DDAH1: variants seen among roughly 807,000 people sequenced by gnomAD.
DDAH1 encodes the protein dimethylarginine dimethylaminohydrolase 1.
A neutral mutation model predicts 28.8 loss-of-function variants in DDAH1; 19 were observed. That is an observed-to-expected ratio of 0.66 (90% CI 0.46 to 0.97). DDAH1 has a LOEUF of 0.97. Ranked by LOEUF, DDAH1 falls within the 50% of genes least tolerant of loss-of-function variation. The pLI is 0.00. For missense variants in DDAH1, 326 were observed against 375.9 expected (o/e 0.87, Z 1.10); for synonymous variants, 153 against 154.4 (o/e 0.99, Z 0.07).
intron 1 of DDAH1, among the ~76,000 whole-genome samples, chr1:85,542,239 A>G (rs1405356884): frequency 1.3e-5 from 2 of 152,212 alleles, no homozygotes; most frequent in Non-Finnish European, 2.9e-5. Flanking sequence ...GTTTTCAAGT[A>G]TGGGGCCATT....
rs527755774 is a variant in DDAH1 at position 85,377,868 on chromosome 1, T to C, written c.304-19021A>G. On this transcript the variant is annotated intron_variant, in intron 1 of 5. Coordinates refer to ENST00000284031, the MANE Select transcript of DDAH1 (RefSeq NM_012137.4). ...TGCCCACCTAAAGAATTGGAAAATA[T>C]ATAGTACAAACTGTAACAAAATTTT... Among the ~76,000 whole-genome samples the C allele has an allele frequency of 1.2e-4, 19 of 152,272 alleles. No homozygotes were observed. In the East Asian group the frequency reaches 2.5e-3, roughly 20 times the overall value.
intron 1 of DDAH1, among the ~76,000 whole-genome samples, chr1:85,575,463 C>T (rs1307129365): frequency 1.3e-5 from 2 of 152,188 alleles, no homozygotes; most frequent in Non-Finnish European, 2.9e-5. Context: ...TCCCCACCAG[C>T]CTGCCAAGGT....
chr1:85,446,848 GC>G (rs1654450093), intron 1 of DDAH1, among the ~76,000 whole-genome samples: 3 of 151,772 alleles, frequency 2.0e-5, no homozygotes, highest in Non-Finnish European at 4.4e-5. Flanking sequence ...CTTCCTATTT[GC>G]CCCTTTTCTT....
intron 1 of DDAH1, among the ~76,000 whole-genome samples, chr1:85,497,586 AG>A (rs1284149206): frequency 6.6e-6 from 1 of 152,232 alleles, no homozygotes; most frequent in Non-Finnish European, 1.5e-5. Context: ...TAATGTCCAA[AG>A]GAAATAGAAA....
chr1:85,564,207 T>C lies in DDAH1; in HGVS notation c.-123+13777A>G, dbSNP rs570514356. Among the ~76,000 whole-genome samples the C allele has an allele frequency of 4.2e-5, 6 of 142,476 alleles. No homozygotes were observed. The South Asian group carries it at 1.1e-3, about 25-fold the overall frequency. 93.5% of individuals were successfully genotyped at this position (142,476 alleles called of 152,430 possible). ...AAAACAAAACAAAACAAAACTACAA[T>C]GTCTGAGATAAAAAAATATATATAA... On this transcript the variant is annotated intron_variant, in intron 1 of 6. Transcript: ENST00000426972.
intron 4 of DDAH1, among the ~76,000 whole-genome samples, chr1:85,348,304 T>A (rs1648990864): frequency 6.6e-6 from 1 of 152,188 alleles, no homozygotes; most frequent in Non-Finnish European, 1.5e-5. Context: ...GTTTTTTTCC[T>A]AGGTCATCAG....
At chr1:85,419,040 T>A (rs1653012924) in intron 1 of DDAH1, among the ~76,000 whole-genome samples, 1 of 152,072 alleles carries the variant, frequency 6.6e-6, no homozygotes. Flanking sequence ...ACAAATCAGT[T>A]AAGTAGGATC....
rs143562574 is a variant in DDAH1 at position 85,564,217 on chromosome 1, A to T, written c.-123+13767T>A. 6.0e-5 allele frequency among the ~76,000 whole-genome samples: 9 copies of T among 150,450 alleles called. No homozygotes were observed. In the East Asian group the frequency reaches 1.7e-3, roughly 29 times the overall value. The stretch of plus-strand genomic sequence containing the variant: ...AAAACAAAACTACAATGTCTGAGAT[A>T]AAAAAATATATATAATAAATGTGAT... On this transcript the variant is annotated intron_variant, in intron 1 of 6. Coordinates refer to the DDAH1 transcript ENST00000426972.
intron 1 of DDAH1, chr1:85,448,105 T>C (rs1475191412): frequency 6.6e-6 from 1 of 152,328 alleles, no homozygotes; most frequent in African/African-American, 2.4e-5. Flanking sequence ...CAACACAAAT[T>C]TGTAAAGTTT....
At chr1:85,438,810 T>A (rs752923125) in intron 1 of DDAH1, among the ~76,000 whole-genome samples, 2 of 152,216 alleles carry the variant, frequency 1.3e-5, no homozygotes, top group African/African-American at 4.8e-5. Flanking sequence ...AGGTATGATA[T>A]ACTGATACCT....
chr1:85,534,518 T>C (rs2254559), intron 1 of DDAH1, among the ~76,000 whole-genome samples: 1 of 152,094 alleles, frequency 6.6e-6, no homozygotes, highest in Non-Finnish European at 1.5e-5. Context: ...AGTGAGGAAG[T>C]TGAAATGAGA....
At chr1:85,356,484 T>C (rs914436758) in intron 2 of DDAH1, among the ~76,000 whole-genome samples, 18 of 152,228 alleles carry the variant, frequency 1.2e-4, no homozygotes, top group African/African-American at 4.1e-4. Context: ...TGTATAACAT[T>C]ATGAATGTAA....
intron 1 of DDAH1, among the ~76,000 whole-genome samples, chr1:85,554,337 C>CAGT (rs1295653925): frequency 7.4e-6 from 1 of 134,340 alleles, no homozygotes; most frequent in Non-Finnish European, 1.5e-5. Context: ...GAGAAGAGAT[C>CAGT]AGTATCATGT....
upstream of DDAH1, among the ~76,000 whole-genome samples, chr1:85,468,531 T>G (rs1655468546): frequency 6.6e-6 from 1 of 151,616 alleles, no homozygotes; most frequent in Non-Finnish European, 1.5e-5. Context: ...CTTTTTTTTT[T>G]TTTTTTGAGA....
At chr1:85,471,367 A>G (rs953809794) in intron 2 of DDAH1, among the ~76,000 whole-genome samples, 15 of 152,088 alleles carry the variant, frequency 9.9e-5, no homozygotes, top group Non-Finnish European at 1.5e-5. Context: ...ACCTCTAAAA[A>G]CATTCCTTTT....
chr1:85,408,445 G>T (rs1470700620), intron 1 of DDAH1, among the ~76,000 whole-genome samples: 1 of 151,970 alleles, frequency 6.6e-6, no homozygotes, highest in Non-Finnish European at 1.5e-5. Context: ...ACACATAAAG[G>T]TATATCATTT....
At position 85,535,451 on chromosome 1, in the gene DDAH1, C is replaced by G. The variant is rs1570652240; in HGVS notation, c.-122-39170G>C. Among the ~76,000 whole-genome samples the G allele has an allele frequency of 6.4e-5, 7 of 110,212 alleles. No individual in the cohort carries two copies. The South Asian group carries it at 2.6e-3, about 41-fold the overall frequency. The allele number at this position is 110,212 out of a possible 152,430, so 72.3% of individuals were successfully genotyped here. A position where few individuals can be genotyped will look rare whatever the true frequency, so the allele number is the denominator to read the frequency against. Reference sequence around the variant, plus strand: ...AGTATGATTGGAGAACAGTTGCTCACTTACCAAACCAACGTTATGAGACTA... The same window carrying G: ...AGTATGATTGGAGAACAGTTGCTCAGTTACCAAACCAACGTTATGAGACTA... On this transcript the variant is annotated intron_variant, in intron 1 of 6. Transcript: ENST00000426972.
chr1:85,341,253 T>C (rs1020144406), intron 4 of DDAH1, among the ~76,000 whole-genome samples: 5 of 152,242 alleles, frequency 3.3e-5, no homozygotes, highest in Admixed American at 3.3e-4. Context: ...TAATAGTTGC[T>C]GCTCAGTAAA....
In DDAH1 at chr1:85,338,294, C is replaced by A. The variant is rs575872405; in HGVS notation, c.597+12121G>T. ...GAAAATGTGATAAATGAAAATCTTT[C>A]ATTCTGTAGGCATTTCTTTCTAAAA... is the stretch of plus-strand genomic sequence containing the variant. On this transcript the variant is annotated intron_variant, in intron 4 of 5. Coordinates refer to ENST00000284031, the MANE Select transcript of DDAH1 (RefSeq NM_012137.4). Among the ~76,000 whole-genome samples the A allele has an allele frequency of 2.0e-5, 3 of 152,248 alleles. No individual in the cohort carries two copies. The East Asian group carries it at 5.8e-4, about 29-fold the overall frequency.
Sources: allele counts gnomAD v4.1 joint callset (sites outside exome capture counted in the v4.1 genomes callset), GRCh38; gene constraint gnomAD v4.1.1; transcripts MANE v1.5; gene names NCBI Gene and HGNC (gene_info 2026-07-23, HGNC 2026-07-21).